Variants in ASCC1 observed in about 807,000 individuals in gnomAD.
ASCC1 encodes ASC-1 complex subunit P50.
In ASCC1, 35 loss-of-function variants were observed where a neutral mutation model predicts 46.6. That is an observed-to-expected ratio of 0.75 (90% CI 0.57 to 0.99). The LOEUF (loss-of-function observed/expected upper bound fraction) is 0.99. Among genes scored for constraint, ASCC1 ranks in the 50% least tolerant of loss-of-function variants. The pLI, the probability that ASCC1 is intolerant of heterozygous loss-of-function variation, is 0.00. For synonymous variants in ASCC1, 143 were observed against 146.6 expected (o/e 0.98, Z 0.18); for missense variants, 376 against 428.7 (o/e 0.88, Z 1.09).
At position 72,210,321 on chromosome 10, in the gene ASCC1, G is replaced by A. The variant is rs922398781; in HGVS notation, c.212+411C>T. Reference sequence around the variant, plus strand: ...ATTACAGATGCCTGCCACCACACCCGGCTAATTTTTGTATATTTAGTAGAG... The same window carrying A: ...ATTACAGATGCCTGCCACCACACCCAGCTAATTTTTGTATATTTAGTAGAG... On this transcript the variant is annotated intron_variant, in intron 3 of 9. Transcript: ENST00000672957. Among the ~76,000 whole-genome samples, 11 of 151,862 alleles carry A rather than the reference G, an allele frequency of 7.2e-5. No individual in the cohort carries two copies. The East Asian group carries it at 1.3e-3, about 19-fold the overall frequency.
intron 5 of ASCC1, chr10:72,190,582 G>A: frequency 7.8e-7 from 1 of 1,278,090 alleles, no homozygotes; most frequent in Non-Finnish European, 1.1e-6. Flanking sequence ...GCTAATATAA[G>A]TAAAGTTTGT....
intron 5 of ASCC1, among the ~76,000 whole-genome samples, chr10:72,165,872 A>C (rs1850272913): frequency 6.6e-6 from 1 of 152,236 alleles, no homozygotes; most frequent in South Asian, 2.1e-4. Context: ...ACTCCATCCC[A>C]AACTACAATT....
chr10:72,101,221 C>T (rs1841716764), intron 9 of ASCC1, among the ~76,000 whole-genome samples: 1 of 152,094 alleles, frequency 6.6e-6, no homozygotes, highest in South Asian at 2.1e-4. Flanking sequence ...TGGGTGTGTC[C>T]ATCTTATGAA....
intron 5 of ASCC1, among the ~76,000 whole-genome samples, chr10:72,193,504 G>A (rs1465494622): frequency 3.3e-5 from 5 of 150,720 alleles, no homozygotes; most frequent in African/African-American, 7.3e-5. Flanking sequence ...ATAAAACTAC[G>A]GTGAAGAAGA....
At chr10:72,207,376 T>C (rs142076476) in intron 3 of ASCC1, among the ~76,000 whole-genome samples, 2,536 of 152,336 alleles carry the variant, frequency 0.017, 63 homozygotes, top group Non-Finnish European at 0.019. Context: ...ATCGTGCCAC[T>C]GCACTCCAGC....
intron 5 of ASCC1, among the ~76,000 whole-genome samples, chr10:72,175,346 T>G (rs531349772): frequency 6.6e-6 from 1 of 152,352 alleles, no homozygotes; most frequent in South Asian, 2.1e-4. Context: ...TTTACATGAC[T>G]GTGCAGCACT....
chr10:72,187,170 A>G (rs1853583294), intron 5 of ASCC1, among the ~76,000 whole-genome samples: 1 of 152,114 alleles, frequency 6.6e-6, no homozygotes, highest in Non-Finnish European at 1.5e-5. Context: ...CCCACTAAGA[A>G]CGAAGTCATC....
At chr10:72,210,703 C>A (rs185657581) in intron 3 of ASCC1, 29 bp downstream of exon 3, 5 of 1,593,806 alleles carry the variant, frequency 3.1e-6, no homozygotes, top group Non-Finnish European at 4.3e-6. Flanking sequence ...GAAGTGTCTT[C>A]CCATGAAACT....
intron 5 of ASCC1, among the ~76,000 whole-genome samples, chr10:72,168,849 C>T (rs1236074678): frequency 1.3e-5 from 2 of 152,160 alleles, no homozygotes; most frequent in Admixed American, 1.3e-4. Context: ...GCAACCCTGC[C>T]AGCACCTTGA....
chr10:72,115,962 G>C (rs1486506623), intron 9 of ASCC1, among the ~76,000 whole-genome samples: 1 of 152,110 alleles, frequency 6.6e-6, no homozygotes, highest in Non-Finnish European at 1.5e-5. Flanking sequence ...GAAATCAAAT[G>C]GCCCAATTTA....
chr10:72,207,450 T>C (rs1220781988), intron 3 of ASCC1, among the ~76,000 whole-genome samples: 1 of 152,060 alleles, frequency 6.6e-6, no homozygotes, highest in Admixed American at 6.6e-5. Context: ...GCTACAATAA[T>C]ACAAATAAGC....
intron 5 of ASCC1, among the ~76,000 whole-genome samples, chr10:72,195,139 G>GTTTTTT (rs142672810): frequency 1.8e-3 from 108 of 61,024 alleles, no homozygotes; most frequent in Non-Finnish European, 2.4e-3. Context: ...TTTTTGCTGT[G>GTTTTTT]TTTTTTTTTT....
At chr10:72,160,215 T>G (rs1849481263) in intron 6 of ASCC1, among the ~76,000 whole-genome samples, 1 of 152,202 alleles carries the variant, frequency 6.6e-6, no homozygotes, top group South Asian at 2.1e-4. Flanking sequence ...AACAGTTTCA[T>G]ATACAACATA....
At chr10:72,141,086 T>TAGATAG (rs750282322) in intron 7 of ASCC1, among the ~76,000 whole-genome samples, 1 of 122,114 alleles carries the variant, frequency 8.2e-6, no homozygotes, top group African/African-American at 3.0e-5. Flanking sequence ...GATAGATAGA[T>TAGATAG]ATAGATATAG....
chr10:72,131,439 T>TACACATACACACACAC (rs1227802075), intron 8 of ASCC1, among the ~76,000 whole-genome samples: 4 of 139,324 alleles, frequency 2.9e-5, no homozygotes, highest in African/African-American at 8.3e-5. Context: ...AAAATAAAAA[T>TACACATACACACACAC]ACACACACAC....
chr10:72,107,737 C>G (rs7082005), intron 9 of ASCC1, among the ~76,000 whole-genome samples: 4,879 of 152,238 alleles, frequency 0.032, 256 homozygotes, highest in African/African-American at 0.11. Context: ...TAATGCTTTC[C>G]TATTGTGAAA....
At chr10:72,136,010 G>T (rs1260141614) in intron 7 of ASCC1, among the ~76,000 whole-genome samples, 3 of 151,966 alleles carry the variant, frequency 2.0e-5, no homozygotes, top group Non-Finnish European at 2.9e-5. Flanking sequence ...GTTGTTTTTT[G>T]TTGTTGTTGT....
chr10:72,205,032 T>C (rs1857003841), intron 3 of ASCC1, among the ~76,000 whole-genome samples: 2 of 152,354 alleles, frequency 1.3e-5, no homozygotes, highest in South Asian at 2.1e-4. Context: ...ATATAACCAC[T>C]GTAAGCCTAC....
intron 1 of ASCC1, among the ~76,000 whole-genome samples, chr10:72,215,464 G>A (rs545383592): frequency 2.6e-5 from 4 of 152,274 alleles, no homozygotes; most frequent in African/African-American, 4.8e-5. Context: ...GGTTTCGTGA[G>A]AAATAACAAC....
Sources: gnomAD v4.1 joint callset for allele counts (sites outside exome capture counted in the v4.1 genomes callset) on GRCh38, gnomAD v4.1.1 for gene constraint, MANE v1.5 for transcripts, NCBI Gene and HGNC (gene_info 2026-07-23, HGNC 2026-07-21) for gene names.